Variants in TNFRSF10B observed in about 807,000 individuals in gnomAD.
TNFRSF10B encodes tumor necrosis factor receptor superfamily member 10B.
Under a neutral mutation model 41.4 loss-of-function variants are expected in TNFRSF10B, and 35 were observed. The ratio of observed to expected loss-of-function variants is 0.85; its 90% CI spans 0.65 to 1.12. The LOEUF (loss-of-function observed/expected upper bound fraction) is 1.12. Ranked by LOEUF, TNFRSF10B falls within the 50% of genes most tolerant of loss-of-function variation. TNFRSF10B has a pLI of 0.00. For synonymous variants in TNFRSF10B, 230 were observed against 215.5 expected, an observed-to-expected ratio of 1.07 and a Z score of -0.59; for missense variants, 584 against 552.7, an observed-to-expected ratio of 1.06 and a Z score of -0.57.
intron 1 of TNFRSF10B, among the ~76,000 whole-genome samples, chr8:23,066,092 G>C (rs770460346): frequency 5.9e-5 from 9 of 152,126 alleles, no homozygotes; most frequent in Non-Finnish European, 1.2e-4. Context: ...AGACCAGCCT[G>C]GGCAACATGG....
At chr8:23,026,671 C>A in intron 7 of TNFRSF10B, among the ~76,000 whole-genome samples, 1 of 152,164 alleles carries the variant, frequency 6.6e-6, no homozygotes, top group East Asian at 1.9e-4. Context: ...TGATTGTGTG[C>A]GTGTGTCCAA....
chr8:23,031,183 C>G (rs1811872716), intron 2 of TNFRSF10B, among the ~76,000 whole-genome samples: 1 of 151,922 alleles, frequency 6.6e-6, no homozygotes, highest in African/African-American at 2.4e-5. Context: ...TCAAGAGATT[C>G]TCCTGGCTCA....
At chr8:23,049,130 A>C (rs1233380256) in intron 1 of TNFRSF10B, among the ~76,000 whole-genome samples, 1 of 152,186 alleles carries the variant, frequency 6.6e-6, no homozygotes, top group East Asian at 1.9e-4. Flanking sequence ...TGTAAAACAC[A>C]CACTGGGAAA....
chr8:23,068,941 C>T lies in TNFRSF10B; in HGVS notation c.-47G>A, dbSNP rs1813089482. On this transcript the variant is annotated 5_prime_UTR_variant, in exon 1 of 9. Coordinates refer to ENST00000276431, the MANE Select transcript of TNFRSF10B (RefSeq NM_003842.5). ...AGTCTCTCAGGCCCGTGGGTTTCAG[C>T]CCTTAAAGTAGATCGGGCATCGTCG... 1.2e-6 allele frequency: 2 copies of T among 1,612,834 alleles called. No homozygotes were observed. Among genetic ancestry groups the T allele is most frequent in the Non-Finnish European group, 8.5e-7 (1 of 1,179,852 alleles).
rs769580499 is a variant in TNFRSF10B, at chr8:23,043,148, CA to C, written c.239del (p.Leu80CysfsTer47). ...QQKRSSPSEG[L>X]CPPGHHISED... Reference sequence around the variant, plus strand: ...CCATCTTGAACATACCAGGTGGACACAATCCCTCTGAGGGGCTGGACCTCTT... The same window carrying C: ...CCATCTTGAACATACCAGGTGGACACATCCCTCTGAGGGGCTGGACCTCTT... On this transcript the variant is annotated frameshift_variant, in exon 2 of 9. Coordinates refer to ENST00000276431, the MANE Select transcript of TNFRSF10B (RefSeq NM_003842.5). LOFTEE classifies it high-confidence loss of function. 9 of 1,614,008 alleles carry C rather than the reference CA, an allele frequency of 5.6e-6. No homozygotes were observed. Among genetic ancestry groups the C allele is most frequent in the Non-Finnish European group, 7.6e-6 (9 of 1,180,016 alleles).
intron 2 of TNFRSF10B, among the ~76,000 whole-genome samples, chr8:23,041,300 GC>G (rs1467557084): frequency 2.6e-5 from 4 of 152,000 alleles, no homozygotes; most frequent in African/African-American, 9.7e-5. Context: ...CAAGTGATTT[GC>G]CCACCTTGGC....
intron 1 of TNFRSF10B, among the ~76,000 whole-genome samples, chr8:23,060,942 T>G (rs1276195456): frequency 6.6e-6 from 1 of 152,184 alleles, no homozygotes; most frequent in Non-Finnish European, 1.5e-5. Context: ...TGGTAGTGTA[T>G]AGAAATGCAA....
rs1160287168 is a variant in TNFRSF10B at position 23,022,911 on chromosome 8, C to A, written c.1083G>T (p.Leu361Phe). Residue 361 changes from leucine (L) to phenylalanine (F), a missense_variant, in exon 9 of 9, where the codon TTG (leucine) becomes TTT (phenylalanine). By Grantham distance (22) the Leu-to-Phe change is conservative. Transcript: ENST00000276431. The stretch of plus-strand genomic sequence containing the variant: ...CCTTTATCTCATTGTCCATGAGGCC[C>A]AACTTCCTCATGAGCGGCTCCCAGG... ...FDSWEPLMRK[L>F]GLMDNEIKVA... The A allele has an allele frequency of 6.2e-7, 1 of 1,613,928 alleles. No homozygotes were observed. The highest frequency in any genetic ancestry group is 8.5e-7 in the Non-Finnish European group (1 of 1,180,012).
At position 23,020,484 on chromosome 8, in the gene TNFRSF10B, G is replaced by A. The variant is rs868069032; in HGVS notation, c.*2187C>T. On this transcript the variant is annotated 3_prime_UTR_variant, in exon 9 of 9. Transcript: ENST00000276431. ...GCCAAGGTGGATCACCTGAGGTCAG[G>A]AGTTCGAGACCAGCCTGACCAACAT... is the stretch of plus-strand genomic sequence containing the variant. 1 of 453,762 alleles carries A rather than the reference G, an allele frequency of 2.2e-6. No homozygotes were observed. Among genetic ancestry groups the A allele is most frequent in the South Asian group, 1.6e-5 (1 of 64,476 alleles). 28.1% of individuals were successfully genotyped at this position (453,762 alleles called of 1,614,324 possible). A position where few individuals can be genotyped will look rare whatever the true frequency, so the allele number is the denominator to read the frequency against.
intron 5 of TNFRSF10B, 169 bp downstream of exon 5, chr8:23,028,162 C>T (rs1811766433): frequency 2.3e-6 from 2 of 864,148 alleles, no homozygotes; most frequent in South Asian, 1.6e-5. Context: ...GACCAGGGTC[C>T]TGGGGGGTGC....
chr8:23,061,047 A>G (rs1313551755), intron 1 of TNFRSF10B, among the ~76,000 whole-genome samples: 2 of 152,162 alleles, frequency 1.3e-5, no homozygotes, highest in African/African-American at 4.8e-5. Flanking sequence ...GATATACCCC[A>G]CGGCAATTAC....
intron 2 of TNFRSF10B, among the ~76,000 whole-genome samples, chr8:23,032,085 T>G (rs1421094405): frequency 6.6e-6 from 1 of 152,098 alleles, no homozygotes; most frequent in African/African-American, 2.4e-5. Flanking sequence ...TTTTGTGTTT[T>G]TAGTAGAGAC....
At position 23,031,871 on chromosome 8, in the gene TNFRSF10B, G is replaced by A. The variant is rs567594302; in HGVS notation, c.251-999C>T. The stretch of plus-strand genomic sequence containing the variant: ...TTTTCACAGTACGTCTTCAAATCCT[G>A]CGTATATTTTAACTCATGGCACATC... On this transcript the variant is annotated intron_variant, in intron 2 of 8. Transcript: ENST00000276431. 3.4e-4 allele frequency among the ~76,000 whole-genome samples: 52 copies of A among 151,170 alleles called. No individual in the cohort carries two copies. In the South Asian group the frequency reaches 0.01, roughly 30 times the overall value.
intron 2 of TNFRSF10B, among the ~76,000 whole-genome samples, chr8:23,032,869 G>A (rs1450657367): frequency 6.6e-6 from 1 of 152,184 alleles, no homozygotes; most frequent in African/African-American, 2.4e-5. Context: ...GAAACTCAAT[G>A]ATCTCCAAGC....
In TNFRSF10B at chr8:23,028,423, G is replaced by A. The variant is rs1044244684; in HGVS notation, c.656C>T (p.Thr219Ile). The A allele has an allele frequency of 6.2e-7, 1 of 1,614,096 alleles. No individual in the cohort carries two copies. The highest frequency in any genetic ancestry group is 1.3e-5 in the African/African-American group (1 of 74,936). Reference protein sequence around the residue: ...CSLSGIIIGVTVAAVVLIVAV... With the variant: ...CSLSGIIIGVIVAAVVLIVAV... The stretch of plus-strand genomic sequence containing the variant: ...CACAATCAAGACTACGGCTGCAACT[G>A]TGACTCCTATGATGATGCCTGAGAG... Residue 219 changes from threonine (T) to isoleucine (I), a missense_variant, in exon 5 of 9, where the codon ACA (threonine) becomes ATA (isoleucine). By Grantham distance (89) the Thr-to-Ile change is moderately conservative. Coordinates refer to ENST00000276431, the MANE Select transcript of TNFRSF10B (RefSeq NM_003842.5).
chr8:23,068,705 C>A (rs1278390322), intron 1 of TNFRSF10B, 46 bp downstream of exon 1: 5 of 1,545,150 alleles, frequency 3.2e-6, no homozygotes, highest in African/African-American at 1.4e-5. Flanking sequence ...CCTCTCCAGG[C>A]GCCAGGCACG....
chr8:23,057,165 G>T (rs558872764), intron 1 of TNFRSF10B, among the ~76,000 whole-genome samples: 1 of 149,362 alleles, frequency 6.7e-6, no homozygotes, highest in Non-Finnish European at 1.5e-5. Flanking sequence ...TCAGCCTCCC[G>T]AGTAGCTGGG....
rs553645784 is a variant in TNFRSF10B at position 23,033,113 on chromosome 8, A to G, written c.251-2241T>C. On this transcript the variant is annotated intron_variant, in intron 2 of 8. Transcript: ENST00000276431. ...AAGCATACAAAATCCTGCAACCAAGAATTTGATATCCAGGAACATTATCAT... is the reference window on the plus strand; with the variant it reads ...AAGCATACAAAATCCTGCAACCAAGGATTTGATATCCAGGAACATTATCAT... 5.3e-5 allele frequency among the ~76,000 whole-genome samples: 8 copies of G among 152,330 alleles called. No individual in the cohort carries two copies. The East Asian group carries it at 1.5e-3, about 29-fold the overall frequency.
intron 1 of TNFRSF10B, among the ~76,000 whole-genome samples, chr8:23,055,546 G>A (rs917774387): frequency 8.6e-6 from 1 of 116,864 alleles, no homozygotes; most frequent in Admixed American, 7.6e-5. Flanking sequence ...AAAAGCCAGT[G>A]CCCTTATACA....
Sources: allele counts gnomAD v4.1 joint callset (sites outside exome capture counted in the v4.1 genomes callset), GRCh38; gene constraint gnomAD v4.1.1; transcripts MANE v1.5; gene names NCBI Gene and HGNC (gene_info 2026-07-23, HGNC 2026-07-21).